The following ACP7 variants were observed in gnomAD, a reference collection of about 807,000 sequenced individuals.
The protein encoded by ACP7 is acid phosphatase type 7.
Under a neutral mutation model 60.6 loss-of-function variants are expected in ACP7, and 58 were observed. The observed-to-expected ratio is 0.96, with a 90% CI of 0.77 to 1.19. ACP7 has a LOEUF of 1.19. Among genes scored for constraint, ACP7 ranks in the 50% most tolerant of loss-of-function variants. The pLI is 0.00. For synonymous variants in ACP7, 237 were observed against 232.6 expected, an observed-to-expected ratio of 1.02 and a Z score of -0.17; for missense variants, 574 against 596.2, an observed-to-expected ratio of 0.96 and a Z score of 0.39.
rs1265008501 is a variant in ACP7, at chr19:39,098,494, G to A, written c.158G>A (p.Trp53Ter). The A allele has an allele frequency of 6.3e-7, 1 of 1,595,998 alleles. No homozygotes were observed. The highest frequency in any genetic ancestry group is 1.3e-5 in the African/African-American group (1 of 74,288). Residue 53 changes from tryptophan to a stop codon, truncating the protein, a stop_gained, in exon 3 of 13, where the codon TGG (tryptophan) becomes TAG (stop). Coordinates refer to ENST00000331256, the MANE Select transcript of ACP7 (RefSeq NM_001004318.3). LOFTEE classifies it high-confidence loss of function. The stretch of plus-strand genomic sequence containing the variant: ...TCCATGACTGTAACTTGGACCACAT[G>A]GGTCCCAACCCGCTCTGAAGTGCAA... ...PGSMTVTWTT[W>*]VPTRSEVQFG...
chr19:39,084,663 A>T (rs1386688438), intron 1 of ACP7, among the ~76,000 whole-genome samples: 1 of 151,014 alleles, frequency 6.6e-6, no homozygotes, highest in African/African-American at 2.4e-5. Flanking sequence ...TGGAGTAGGG[A>T]GGCGAGGTCC....
chr19:39,105,764 G>A (rs867386278), intron 11 of ACP7, among the ~76,000 whole-genome samples: 67 of 152,198 alleles, frequency 4.4e-4, no homozygotes, highest in African/African-American at 1.5e-3. Context: ...TGCCCGCCTC[G>A]GCCTCCCAGA....
At position 39,099,003 on chromosome 19, in the gene ACP7, C is replaced by T; in HGVS notation, c.366C>T (p.Arg122=). The change falls in exon 4 of 13, where the codon CGC becomes CGT. Residue 122 remains arginine (R), a synonymous_variant. Coordinates refer to ENST00000331256, the MANE Select transcript of ACP7 (RefSeq NM_001004318.3). The stretch of plus-strand genomic sequence containing the variant: ...CGCAGGGCTGGAGCCGTCGGTTCCG[C>T]TTCAGGGCCCTCAAGAATGGGGCCC... ...GSAQGWSRRF[R]FRALKNGAHW... 1 of 1,613,726 alleles carries T rather than the reference C, an allele frequency of 6.2e-7. No individual in the cohort carries two copies. The highest frequency in any genetic ancestry group is 2.2e-5 in the East Asian group (1 of 44,846).
chr19:39,095,957 C>T (rs1052919635), intron 2 of ACP7, among the ~76,000 whole-genome samples: 1 of 152,236 alleles, frequency 6.6e-6, no homozygotes, highest in Admixed American at 6.5e-5. Context: ...GAATGCAAGA[C>T]ACCAAGTCCC....
Position 39,107,072 on chromosome 19 carries a change from G to A in ACP7, c.1239G>A (p.Val413=), listed in dbSNP as rs1171571673. Residue 413 remains valine (V), a synonymous_variant, in exon 12 of 13, where the codon GTG becomes GTA. Transcript: ENST00000331256. ...GGACCCACATCCACATCCAGCAGGT[G>A]TCGGACGACCAGGTCAGTGAGGGGC... is the stretch of plus-strand genomic sequence containing the variant. ...LNGTHIHIQQ[V]SDDQDGKIVD... 1 of 1,613,982 alleles carries A rather than the reference G, an allele frequency of 6.2e-7. No homozygotes were observed. The highest frequency in any genetic ancestry group is 1.7e-5 in the Admixed American group (1 of 59,994).
chr19:39,094,576 A>T lies in ACP7; in HGVS notation c.122-3882A>T, dbSNP rs199954267. 4.6e-5 allele frequency among the ~76,000 whole-genome samples: 7 copies of T among 152,018 alleles called. No individual in the cohort carries two copies. In the East Asian group the frequency reaches 1.3e-3, roughly 29 times the overall value. On this transcript the variant is annotated intron_variant, in intron 2 of 12. Transcript: ENST00000331256. ...ACATGTTCACGCCTGTAATCCCAGCACTTTGGGAGACCGAGGAGGGAGGGT... is the reference window on the plus strand; with the variant it reads ...ACATGTTCACGCCTGTAATCCCAGCTCTTTGGGAGACCGAGGAGGGAGGGT...
chr19:39,085,985 A>C (rs931380595), intron 2 of ACP7, among the ~76,000 whole-genome samples: 1 of 152,132 alleles, frequency 6.6e-6, no homozygotes, highest in African/African-American at 2.4e-5. Context: ...GGGTAATATT[A>C]GTACAACCTC....
Position 39,085,259 on chromosome 19 carries a change from AC to A in ACP7, c.-7del. 6.2e-7 allele frequency: 1 copy of A among 1,607,176 alleles called. No homozygotes were observed. The highest frequency in any genetic ancestry group is 1.7e-5 in the Admixed American group (1 of 59,248). On this transcript the variant is annotated 5_prime_UTR_variant, in exon 2 of 13. Transcript: ENST00000331256. Reference sequence around the variant, plus strand: ...TGCTTTTCCCCGGTCTGCCATCACCACCCCACCACCATGCACCCCCTTCCTG... The same window carrying A: ...TGCTTTTCCCCGGTCTGCCATCACCACCCACCACCATGCACCCCCTTCCTG...
At chr19:39,104,606 G>A (rs4533402) in intron 11 of ACP7, among the ~76,000 whole-genome samples, 79,691 of 152,078 alleles carry the variant, frequency 0.52, 21,921 homozygotes, top group East Asian at 0.64. Context: ...ATTTGAGGCC[G>A]GGCGCGGTGG....
chr19:39,087,689 A>C (rs2073159138), intron 2 of ACP7, among the ~76,000 whole-genome samples: 1 of 149,500 alleles, frequency 6.7e-6, no homozygotes, highest in Non-Finnish European at 1.5e-5. Context: ...GCTGTAGTGC[A>C]ATGGCATGAT....
chr19:39,100,348 C>G lies in ACP7; in HGVS notation c.627C>G (p.Arg209=). Reference sequence around the variant, plus strand: ...CATGCCCTGGGAATCATGAAGAACGCTAGTGAGGACTGAGGGTGGTGGCGG... The same window carrying G: ...CATGCCCTGGGAATCATGAAGAACGGTAGTGAGGACTGAGGGTGGTGGCGG... ...YMTCPGNHEE[R]YNFSNYKARF... Residue 209 remains arginine, a splice_region_variant and synonymous_variant, in exon 5 of 13, where the codon CGC becomes CGG. Coordinates refer to ENST00000331256, the MANE Select transcript of ACP7 (RefSeq NM_001004318.3). The G allele has an allele frequency of 9.9e-6, 16 of 1,614,052 alleles. No homozygotes were observed. Among genetic ancestry groups the G allele is most frequent in the Non-Finnish European group, 1.3e-5 (15 of 1,179,990 alleles).
At chr19:39,108,963 G>A (rs563954308) in intron 12 of ACP7, among the ~76,000 whole-genome samples, 1 of 152,206 alleles carries the variant, frequency 6.6e-6, no homozygotes, top group South Asian at 2.1e-4. Context: ...TGGGATTACA[G>A]GCACATGCCA....
In ACP7 at chr19:39,107,123, C is replaced by T. The variant is rs778594544; in HGVS notation, c.1251+39C>T. The T allele has an allele frequency of 1.0e-5, 16 of 1,597,466 alleles. No individual in the cohort carries two copies. The Admixed American group carries it at 1.5e-4, about 15-fold the overall frequency. On this transcript the variant is annotated intron_variant, in intron 12 of 12. Coordinates refer to ENST00000331256, the MANE Select transcript of ACP7 (RefSeq NM_001004318.3). ...AGGCCGAAGTCACCTGACTGTACAG[C>T]CAGGCCCCTCCAAGCAAATGAGCTG...
At chr19:39,092,577 G>A (rs2073215651) in intron 2 of ACP7, among the ~76,000 whole-genome samples, 1 of 151,482 alleles carries the variant, frequency 6.6e-6, no homozygotes, top group African/African-American at 2.4e-5. Context: ...TTTTTAATCT[G>A]GTTAGGTCCA....
Position 39,110,948 on chromosome 19 carries a change from G to A in ACP7, c.*830G>A, listed in dbSNP as rs1289644047. 3 of 152,228 alleles carry A rather than the reference G, an allele frequency of 2.0e-5. No individual in the cohort carries two copies. Among genetic ancestry groups the A allele is most frequent in the African/African-American group, 7.2e-5 (3 of 41,448 alleles). The allele number at this position is 152,228 out of a possible 1,614,324, so 9.4% of individuals were successfully genotyped here. A position where few individuals can be genotyped will look rare whatever the true frequency, so the allele number is the denominator to read the frequency against. ...AACCAGAGAGTTGGACAAAAATCACGATAAATGAGTTGGTTAAATAGCGAT... is the reference window on the plus strand; with the variant it reads ...AACCAGAGAGTTGGACAAAAATCACAATAAATGAGTTGGTTAAATAGCGAT... On this transcript the variant is annotated 3_prime_UTR_variant, in exon 13 of 13. Coordinates refer to ENST00000331256, the MANE Select transcript of ACP7 (RefSeq NM_001004318.3).
intron 2 of ACP7, among the ~76,000 whole-genome samples, chr19:39,091,015 C>T (rs1282008602): frequency 3.3e-5 from 5 of 151,978 alleles, no homozygotes; most frequent in African/African-American, 1.2e-4. Flanking sequence ...CTTCAGATTG[C>T]GTTCTGTGTT....
At chr19:39,087,763 A>G (rs1265521267) in intron 2 of ACP7, among the ~76,000 whole-genome samples, 2 of 151,186 alleles carry the variant, frequency 1.3e-5, no homozygotes, top group Admixed American at 6.6e-5. Flanking sequence ...CCTCCCAAGT[A>G]TCTGGGATTA....
At position 39,098,589 on chromosome 19, in the gene ACP7, G is replaced by T; in HGVS notation, c.253G>T (p.Gly85Cys). Residue 85 changes from glycine to cysteine, a missense_variant, in exon 3 of 13, where the codon GGC (glycine) becomes TGC (cysteine). Physicochemically the swap from Gly to Cys is radical, Grantham distance 159. Transcript: ENST00000331256. ...QGTFVPFVDG[G>C]ILRRKLYIHR... ...CACCTTCGTCCCCTTTGTGGACGGG[G>T]GCATTCTCCGGCGGAAGCTCTACAT... is the stretch of plus-strand genomic sequence containing the variant. The T allele has an allele frequency of 6.2e-7, 1 of 1,613,690 alleles. No homozygotes were observed. The highest frequency in any genetic ancestry group is 8.5e-7 in the Non-Finnish European group (1 of 1,179,814).
In ACP7 at chr19:39,098,648, G is replaced by T; in HGVS notation, c.312G>T (p.Gly104=). The change falls in exon 3 of 13, where the codon GGG becomes GGT. Residue 104 remains glycine, a synonymous_variant. Transcript: ENST00000331256. ...TCACGCTTCGCAAGCTGCTGCCAGG[G>T]GTTCAGTATGGTGAGAGGGGCCCCA... The part of the protein sequence containing the change: ...HRVTLRKLLP[G]VQYVYRCGSA... 3 of 1,610,590 alleles carry T rather than the reference G, an allele frequency of 1.9e-6. No individual in the cohort carries two copies. The highest frequency in any genetic ancestry group is 2.2e-5 in the East Asian group (1 of 44,764).
Sources: allele counts gnomAD v4.1 joint callset (sites outside exome capture counted in the v4.1 genomes callset), GRCh38; gene constraint gnomAD v4.1.1; transcripts MANE v1.5; gene names NCBI Gene and HGNC (gene_info 2026-07-23, HGNC 2026-07-21).